The following PRR14L variants were observed in gnomAD, a reference collection of about 807,000 sequenced individuals.
PRR14L encodes protein PRR14L.
PRR14L carries 80 observed loss-of-function variants against 155.0 expected under a neutral mutation model. The observed-to-expected ratio is 0.52, with a 90% CI of 0.43 to 0.62. PRR14L has a LOEUF of 0.62. Ranked by LOEUF, PRR14L falls within the 20% of genes least tolerant of loss-of-function variation. The pLI is 0.00. For missense variants in PRR14L, 2,469 were observed against 2,548.0 expected (o/e 0.97, Z 0.67); for synonymous variants, 883 against 916.0 (o/e 0.96, Z 0.65).
chr22:31,744,107 T>C (rs1359200133), intron 1 of PRR14L, among the ~76,000 whole-genome samples: 2 of 149,372 alleles, frequency 1.3e-5, no homozygotes, highest in Non-Finnish European at 3.0e-5. Context: ...AACCTTGAAC[T>C]CCTTCTGCCT....
Position 31,744,473 on chromosome 22 carries a change from T to C in PRR14L, c.-52+5520A>G, listed in dbSNP as rs181964924. ...GTAGATAATTTTGTATGTCTTGTTA[T>C]GTTGCCCAGGCTGGTCTCAAACTCC... On this transcript the variant is annotated intron_variant, in intron 1 of 8. Transcript: ENST00000327423. Among the ~76,000 whole-genome samples, 5 of 152,260 alleles carry C rather than the reference T, an allele frequency of 3.3e-5. No homozygotes were observed. The East Asian group carries it at 5.8e-4, about 18-fold the overall frequency.
intron 1 of PRR14L, among the ~76,000 whole-genome samples, chr22:31,742,164 G>A (rs1035878834): frequency 1.2e-4 from 19 of 152,136 alleles, no homozygotes; most frequent in Non-Finnish European, 8.8e-5. Flanking sequence ...GTAAATGCAG[G>A]AAAGGATATT....
intron 2 of PRR14L, among the ~76,000 whole-genome samples, chr22:31,730,841 T>C (rs892581277): frequency 6.6e-6 from 1 of 152,210 alleles, no homozygotes; most frequent in African/African-American, 2.4e-5. Flanking sequence ...CTTTTCTCAC[T>C]TTTAATTCAA....
intron 6 of PRR14L, among the ~76,000 whole-genome samples, chr22:31,703,070 C>G (rs2147857817): frequency 6.6e-6 from 1 of 152,198 alleles, no homozygotes; most frequent in East Asian, 1.9e-4. Flanking sequence ...CCCGCCTCAG[C>G]CTCCCAAAGT....
rs12159328 is a variant in PRR14L at position 31,714,388 on chromosome 22, A to G, written c.3451T>C (p.Ser1151Pro). The G allele has an allele frequency of 2.3e-3, 3,499 of 1,551,730 alleles. 44 individuals carry two copies. The African/African-American group carries it at 0.029, about 13-fold the overall frequency. ...KDCEMEKCPD[S>P]CAHEMESVAD... ...ACAGACTCCATCTCATGGGCACAAG[A>G]GTCTGGACACTTTTCCATTTCACAG... The change falls in exon 4 of 9, where the codon TCT becomes CCT. Residue 1151 changes from serine (S) to proline (P), a missense_variant. Physicochemically the swap from Ser to Pro is moderately conservative, Grantham distance 74. This residue lies in a region of PRR14L where 2,363 missense variants were observed against 2,371.6 expected (regional missense o/e 1.00). Transcript: ENST00000327423.
At chr22:31,707,835 TATA>T (rs1601500078) in intron 4 of PRR14L, among the ~76,000 whole-genome samples, 1 of 152,196 alleles carries the variant, frequency 6.6e-6, no homozygotes, top group Non-Finnish European at 1.5e-5. Context: ...TGGCTGTCTT[TATA>T]ATAAGAGAAC....
chr22:31,718,387 C>T (rs146740865), intron 3 of PRR14L, among the ~76,000 whole-genome samples: 5,392 of 152,214 alleles, frequency 0.035, 116 homozygotes, highest in South Asian at 0.066. Flanking sequence ...TCCCGAGTAG[C>T]TGGGACTACA....
At chr22:31,746,927 G>A (rs1414494677) in intron 1 of PRR14L, among the ~76,000 whole-genome samples, 1 of 151,390 alleles carries the variant, frequency 6.6e-6, no homozygotes, top group East Asian at 1.9e-4. Context: ...CTCCCAAGTA[G>A]CTGGGACTAC....
Position 31,713,892 on chromosome 22 carries a change from T to G in PRR14L, c.3947A>C (p.Glu1316Ala). 6.4e-7 allele frequency: 1 copy of G among 1,552,090 alleles called. No homozygotes were observed. Among genetic ancestry groups the G allele is most frequent in the Non-Finnish European group, 8.7e-7 (1 of 1,147,070 alleles). Residue 1316 changes from glutamate to alanine, a missense_variant, in exon 4 of 9, where the codon GAG becomes GCG. This residue lies in a region of PRR14L where 2,363 missense variants were observed against 2,371.6 expected (regional missense o/e 1.00). Transcript: ENST00000327423. ...AGGCAAATGTCTGTCAGAGGAATTC[T>G]CGTGAGGGTGACAAGCTTTGCAAGC... ...KNACKACHPH[E>A]NSSDRHLPLT... is the part of the protein sequence containing the mutation.
chr22:31,716,514 A>G lies in PRR14L; in HGVS notation c.1325T>C (p.Ile442Thr). The change falls in exon 4 of 9, where the codon ATC (isoleucine) becomes ACC (threonine). Residue 442 changes from isoleucine (I) to threonine (T), a missense_variant. Ile to Thr is a moderately conservative substitution (Grantham distance 89, BLOSUM62 -1). Transcript: ENST00000327423. ...ACTGTCTTGAATGCAGTTATTGTGG[A>G]TATTTTCCTTTGGAGAAACAACAGG... The part of the protein sequence containing the change: ...KEPVVSPKEN[I>T]HNNCIQDSLH... 1 of 1,546,368 alleles carries G rather than the reference A, an allele frequency of 6.5e-7. No homozygotes were observed. The highest frequency in any genetic ancestry group is 8.7e-7 in the Non-Finnish European group (1 of 1,145,754).
At chr22:31,725,974 T>C (rs1484505266) in intron 2 of PRR14L, among the ~76,000 whole-genome samples, 1 of 151,900 alleles carries the variant, frequency 6.6e-6, no homozygotes, top group African/African-American at 2.4e-5. Flanking sequence ...TGGCTGAATA[T>C]TAGTTATTTT....
Position 31,716,230 on chromosome 22 carries a change from AAAAAG to A in PRR14L, c.1604_1608del (p.Ser535LeufsTer3). ...ACTAAGGAGTTACAGTCTTTAGTGT[AAAAAG>A]ATTTACTTAATATATTGGGCTCTAC... is the stretch of plus-strand genomic sequence containing the variant. On this transcript the variant is annotated frameshift_variant, in exon 4 of 9. Coordinates refer to ENST00000327423, the MANE Select transcript of PRR14L (RefSeq NM_173566.3). LOFTEE classifies it high-confidence loss of function. 1 of 1,551,438 alleles carries A rather than the reference AAAAAG, an allele frequency of 6.4e-7. No individual in the cohort carries two copies. Among genetic ancestry groups the A allele is most frequent in the Non-Finnish European group, 8.7e-7 (1 of 1,146,814 alleles).
At chr22:31,721,359 G>T (rs2074688769) in intron 3 of PRR14L, among the ~76,000 whole-genome samples, 1 of 152,210 alleles carries the variant, frequency 6.6e-6, no homozygotes, top group African/African-American at 2.4e-5. Context: ...ATCTGGTCAG[G>T]AGATCGAGAC....
At chr22:31,703,051 A>G (rs1463108045) in intron 6 of PRR14L, among the ~76,000 whole-genome samples, 1 of 128,180 alleles carries the variant, frequency 7.8e-6, no homozygotes, top group East Asian at 2.5e-4. Context: ...CCTGGACTCA[A>G]GCGATCCGCC....
At chr22:31,742,138 C>T (rs750362914) in intron 1 of PRR14L, among the ~76,000 whole-genome samples, 23 of 152,130 alleles carry the variant, frequency 1.5e-4, no homozygotes, top group Admixed American at 5.9e-4. Context: ...TGTCACAGCA[C>T]ATACAGATTT....
intron 7 of PRR14L, 112 bp from the exon 8 acceptor site, chr22:31,688,339 T>G: frequency 7.6e-7 from 1 of 1,322,958 alleles, no homozygotes; most frequent in Non-Finnish European, 9.8e-7. Flanking sequence ...CATAGCTCAC[T>G]GCAGCCTTAA....
Position 31,713,584 on chromosome 22 carries a change from T to C in PRR14L, c.4255A>G (p.Ile1419Val), listed in dbSNP as rs1003499728. 3 of 1,552,108 alleles carry C rather than the reference T, an allele frequency of 1.9e-6. No homozygotes were observed. The highest frequency in any genetic ancestry group is 1.2e-5 in the South Asian group (1 of 84,062). Reference protein sequence around the residue: ...QKAHTISQQCISSSLLLDDAQ... With the variant: ...QKAHTISQQCVSSSLLLDDAQ... ...TCATCTAACAACAGACTAGATGATA[T>C]GCACTGTTGCGATATCGTATGTGCT... The change falls in exon 4 of 9, where the codon ATA (isoleucine) becomes GTA (valine). Residue 1419 changes from isoleucine (I) to valine (V), a missense_variant. Transcript: ENST00000327423.
intron 7 of PRR14L, among the ~76,000 whole-genome samples, chr22:31,700,035 T>C (rs1946215788): frequency 1.3e-5 from 2 of 152,082 alleles, no homozygotes; most frequent in African/African-American, 4.8e-5. Context: ...CATTTGACAT[T>C]TGCCGGACCC....
chr22:31,714,562 TG>T lies in PRR14L; in HGVS notation c.3276del (p.Arg1093GlyfsTer36). ...AGTTCTCTCCGAGACAAGGTACTCC[TG>T]GAGTCCTCTTGAAATGCCAGTTTCT... ...RQEKLAFQED[S>X]RSTLSRRELD... On this transcript the variant is annotated frameshift_variant, in exon 4 of 9. Coordinates refer to ENST00000327423, the MANE Select transcript of PRR14L (RefSeq NM_173566.3). LOFTEE classifies it high-confidence loss of function. 1 of 1,552,014 alleles carries T rather than the reference TG, an allele frequency of 6.4e-7. No individual in the cohort carries two copies. The highest frequency in any genetic ancestry group is 8.7e-7 in the Non-Finnish European group (1 of 1,147,048).
Sources: allele counts gnomAD v4.1 joint callset (sites outside exome capture counted in the v4.1 genomes callset), GRCh38; gene constraint gnomAD v4.1.1; regional missense constraint gnomAD v4.1.1; transcripts MANE v1.5; gene names NCBI Gene and HGNC (gene_info 2026-07-23, HGNC 2026-07-21).